WIPF2: variants seen among roughly 807,000 people sequenced by gnomAD.
The protein encoded by WIPF2 is WAS/WASL-interacting protein family member 2.
A neutral mutation model predicts 38.8 loss-of-function variants in WIPF2; 23 were observed. The observed-to-expected ratio is 0.59, with a 90% CI of 0.43 to 0.84. WIPF2 has a LOEUF of 0.84. WIPF2 is among the 40% of genes least tolerant of loss of function. WIPF2 has a pLI of 0.00. For missense variants in WIPF2, 574 were observed against 580.5 expected, an observed-to-expected ratio of 0.99 and a Z score of 0.11; for synonymous variants, 210 against 223.2, an observed-to-expected ratio of 0.94 and a Z score of 0.53.
At chr17:40,220,573 G>GTGTGTGTATA (rs1431477384) in intron 1 of WIPF2, 9 of 77,110 alleles carry the variant, frequency 1.2e-4, no homozygotes, top group African/African-American at 4.6e-4. Context: ...GTGTGTGTGT[G>GTGTGTGTATA]TATATATATA....
intron 1 of WIPF2, among the ~76,000 whole-genome samples, chr17:40,245,356 T>C (rs2031328958): frequency 6.6e-6 from 1 of 151,976 alleles, no homozygotes; most frequent in African/African-American, 2.4e-5. Context: ...CTTTTTTTTT[T>C]TTTTGAGATG....
intron 1 of WIPF2, among the ~76,000 whole-genome samples, chr17:40,224,406 A>ATTTTTTT (rs67838907): frequency 9.0e-5 from 8 of 89,100 alleles, no homozygotes; most frequent in African/African-American, 1.2e-4. Context: ...GATTTTTTGT[A>ATTTTTTT]TTTTTTTTTT....
At position 40,262,544 on chromosome 17, in the gene WIPF2, T is replaced by G. The variant is rs1368221623; in HGVS notation, c.216T>G (p.Gly72=). ...PILEKPKGSS[G]GYGSGGAALQ... Reference sequence around the variant, plus strand: ...TTCCAGAGCCGAAAGGAAGCAGTGGTGGCTATGGCTCTGGAGGAGCTGCCC... The same window carrying G: ...TTCCAGAGCCGAAAGGAAGCAGTGGGGGCTATGGCTCTGGAGGAGCTGCCC... The change falls in exon 4 of 8, where the codon GGT becomes GGG. Residue 72 remains glycine (G), a synonymous_variant. Coordinates refer to ENST00000323571, the MANE Select transcript of WIPF2 (RefSeq NM_133264.5). The G allele has an allele frequency of 1.9e-6, 3 of 1,613,882 alleles. No individual in the cohort carries two copies. Among genetic ancestry groups the G allele is most frequent in the Non-Finnish European group, 2.5e-6 (3 of 1,179,918 alleles).
chr17:40,232,715 C>T (rs566883484), intron 1 of WIPF2, among the ~76,000 whole-genome samples: 54 of 150,810 alleles, frequency 3.6e-4, no homozygotes, highest in African/African-American at 1.3e-3. Flanking sequence ...TCTCGGCTCA[C>T]TGCAACCTCT....
intron 1 of WIPF2, among the ~76,000 whole-genome samples, chr17:40,245,951 A>T (rs1414010797): frequency 6.6e-6 from 1 of 152,152 alleles, no homozygotes; most frequent in Non-Finnish European, 1.5e-5. Flanking sequence ...ATTGAACAAC[A>T]CGTATAGCCT....
At chr17:40,234,004 G>A (rs2030854064) in intron 1 of WIPF2, among the ~76,000 whole-genome samples, 1 of 151,612 alleles carries the variant, frequency 6.6e-6, no homozygotes, top group African/African-American at 2.4e-5. Flanking sequence ...CAGAGGTTGC[G>A]GTGAGCTGAG....
intron 1 of WIPF2, among the ~76,000 whole-genome samples, chr17:40,254,589 T>A (rs1053727421): frequency 3.9e-5 from 6 of 152,106 alleles, no homozygotes; most frequent in African/African-American, 1.4e-4. Flanking sequence ...AACTATATAG[T>A]TTTTGAGTTT....
intron 1 of WIPF2, among the ~76,000 whole-genome samples, chr17:40,243,338 GGAAA>G (rs1329591452): frequency 6.6e-6 from 1 of 152,076 alleles, no homozygotes; most frequent in Admixed American, 6.6e-5. Context: ...TGGGGGAAGA[GGAAA>G]GAGTCACATT....
intron 1 of WIPF2, among the ~76,000 whole-genome samples, chr17:40,232,387 A>G (rs1199195060): frequency 1.3e-5 from 2 of 150,890 alleles, no homozygotes; most frequent in Admixed American, 6.6e-5. Context: ...ACAGGGTTTC[A>G]CCATGTTGGC....
intron 5 of WIPF2, among the ~76,000 whole-genome samples, chr17:40,272,163 G>A (rs2032269508): frequency 6.6e-6 from 1 of 151,954 alleles, no homozygotes; most frequent in African/African-American, 2.4e-5. Context: ...GGGATTACAG[G>A]CATGCACCAC....
At chr17:40,236,550 C>T (rs2030976357) in intron 1 of WIPF2, among the ~76,000 whole-genome samples, 1 of 151,482 alleles carries the variant, frequency 6.6e-6, no homozygotes, top group Non-Finnish European at 1.5e-5. Context: ...AACCGATCCT[C>T]CTGGCTTGGC....
At chr17:40,275,130 A>G (rs1218097648) in intron 6 of WIPF2, among the ~76,000 whole-genome samples, 3 of 150,202 alleles carry the variant, frequency 2.0e-5, no homozygotes, top group Non-Finnish European at 4.4e-5. Context: ...AATCCCAGCT[A>G]CTCAGAAGGC....
intron 1 of WIPF2, among the ~76,000 whole-genome samples, chr17:40,225,949 CA>C (rs928892337): frequency 6.6e-6 from 1 of 151,416 alleles, no homozygotes; most frequent in Non-Finnish European, 1.5e-5. Flanking sequence ...AATTGATTTT[CA>C]AAAAAAATTT....
At chr17:40,268,960 G>A (rs1239699200) in intron 5 of WIPF2, among the ~76,000 whole-genome samples, 1 of 152,058 alleles carries the variant, frequency 6.6e-6, no homozygotes, top group Non-Finnish European at 1.5e-5. Flanking sequence ...TGAGGCAGGA[G>A]GATCGCTTGA....
In WIPF2 at chr17:40,262,628, C is replaced by T; in HGVS notation, c.300C>T (p.Ala100=). The T allele has an allele frequency of 1.2e-6, 2 of 1,613,646 alleles. No homozygotes were observed. The highest frequency in any genetic ancestry group is 1.7e-6 in the Non-Finnish European group (2 of 1,179,688). ...GGVLKLRPVG[A]KDGSENLAGK... is the part of the protein sequence containing the mutation. ...TGCTGAAGCTTCGACCTGTGGGAGC[C>T]AAGGATGGTTCAGGTATCTGATGAG... The change falls in exon 4 of 8, where the codon GCC becomes GCT. Residue 100 remains alanine, a synonymous_variant. Coordinates refer to ENST00000323571, the MANE Select transcript of WIPF2 (RefSeq NM_133264.5).
At position 40,274,084 on chromosome 17, in the gene WIPF2, G is replaced by C. The variant is rs1273474597; in HGVS notation, c.1180+85G>C. 5.2e-6 allele frequency: 6 copies of C among 1,152,246 alleles called. No individual in the cohort carries two copies. In the Admixed American group the frequency reaches 1.3e-4, roughly 26 times the overall value. The allele number at this position is 1,152,246 out of a possible 1,614,324, so 71.4% of individuals were successfully genotyped here. A position where few individuals can be genotyped will look rare whatever the true frequency, so the allele number is the denominator to read the frequency against. ...CCATGGCTGCTAGATGGCCACCATA[G>C]AGTGGGAATGGCCACATGGGATCCT... is the stretch of plus-strand genomic sequence containing the variant. On this transcript the variant is annotated intron_variant, in intron 6 of 7. Transcript: ENST00000323571.
At chr17:40,255,828 A>G (rs1217575702) in intron 1 of WIPF2, among the ~76,000 whole-genome samples, 3 of 147,150 alleles carry the variant, frequency 2.0e-5, no homozygotes, top group East Asian at 2.0e-4. Context: ...GGGTTTCACC[A>G]TGTTAGCCAG....
chr17:40,232,423 C>G (rs1018147014), intron 1 of WIPF2, among the ~76,000 whole-genome samples: 4 of 151,284 alleles, frequency 2.6e-5, no homozygotes, highest in African/African-American at 7.3e-5. Context: ...CTCCTGACCT[C>G]AAGCAGTCCA....
At chr17:40,226,189 T>TAAA (rs1187842305) in intron 1 of WIPF2, among the ~76,000 whole-genome samples, 4 of 121,464 alleles carry the variant, frequency 3.3e-5, no homozygotes, top group South Asian at 2.6e-4. Flanking sequence ...GGATAGTTGG[T>TAAA]AAAAAAAAAA....
Sources: allele counts gnomAD v4.1 joint callset (sites outside exome capture counted in the v4.1 genomes callset), GRCh38; gene constraint gnomAD v4.1.1; transcripts MANE v1.5; gene names NCBI Gene and HGNC (gene_info 2026-07-23, HGNC 2026-07-21).